The following CNTNAP5 variants were observed in gnomAD, a reference collection of about 807,000 sequenced individuals.
CNTNAP5 encodes contactin associated protein family member 5, also known as contactin-associated protein-like 5.
CNTNAP5 carries 72 observed loss-of-function variants against 150.2 expected under a neutral mutation model. That is an observed-to-expected ratio of 0.48 (90% CI 0.40 to 0.58). The LOEUF (loss-of-function observed/expected upper bound fraction) is 0.58. CNTNAP5 is among the 20% of genes least tolerant of loss of function. The pLI is 0.00. For missense variants in CNTNAP5, 1,636 were observed against 1,626.2 expected (o/e 1.01, Z -0.10); for synonymous variants, 672 against 619.8 (o/e 1.08, Z -1.25).
At chr2:124,194,397 AT>A (rs779635472) in intron 1 of CNTNAP5, among the ~76,000 whole-genome samples, 14,323 of 49,492 alleles carry the variant, frequency 0.29, 1,039 homozygotes, top group Middle Eastern at 0.34. Context: ...ATATATATAT[AT>A]ATATATATAT....
chr2:124,683,589 T>C (rs954030351), intron 13 of CNTNAP5, among the ~76,000 whole-genome samples: 1 of 152,188 alleles, frequency 6.6e-6, no homozygotes, highest in African/African-American at 2.4e-5. Context: ...CTTATGCCTT[T>C]GCATCCTTAT....
At chr2:124,031,190 A>G (rs1389517087) in intron 1 of CNTNAP5, among the ~76,000 whole-genome samples, 1 of 151,988 alleles carries the variant, frequency 6.6e-6, no homozygotes, top group African/African-American at 2.4e-5. Context: ...AGGCATATCA[A>G]GTGTCCCTAT....
At chr2:124,558,316 G>C (rs1553479448) in intron 10 of CNTNAP5, among the ~76,000 whole-genome samples, 1 of 151,944 alleles carries the variant, frequency 6.6e-6, no homozygotes, top group Non-Finnish European at 1.5e-5. Context: ...AGAAGGAGAG[G>C]ACCTTCAAGT....
chr2:124,290,366 A>G (rs1387845304), intron 3 of CNTNAP5, among the ~76,000 whole-genome samples: 1 of 152,182 alleles, frequency 6.6e-6, no homozygotes, highest in Non-Finnish European at 1.5e-5. Context: ...AGTGAAATCA[A>G]TTCATCCACA....
At chr2:124,184,401 G>A (rs931453563) in intron 1 of CNTNAP5, among the ~76,000 whole-genome samples, 2 of 152,132 alleles carry the variant, frequency 1.3e-5, no homozygotes, top group African/African-American at 4.8e-5. Context: ...ATAAAATATA[G>A]TTACATTTCA....
chr2:124,357,349 G>A (rs1690041720), intron 3 of CNTNAP5, among the ~76,000 whole-genome samples: 1 of 152,150 alleles, frequency 6.6e-6, no homozygotes, highest in African/African-American at 2.4e-5. Flanking sequence ...TGTTGCCATT[G>A]CTTTTGGTGT....
At chr2:124,079,898 C>T (rs553928381) in intron 1 of CNTNAP5, among the ~76,000 whole-genome samples, 1 of 152,310 alleles carries the variant, frequency 6.6e-6, no homozygotes, top group South Asian at 2.1e-4. Flanking sequence ...ATGTTTCAGT[C>T]TTCCTATCCA....
chr2:124,663,699 A>G (rs763456688), intron 13 of CNTNAP5, among the ~76,000 whole-genome samples: 11 of 152,148 alleles, frequency 7.2e-5, no homozygotes, highest in African/African-American at 1.2e-4. Flanking sequence ...GTAAATGAAG[A>G]GAGATTCTCA....
In CNTNAP5 at chr2:124,772,994, A is replaced by G; in HGVS notation, c.2729A>G (p.Gln910Arg). 2 of 1,613,178 alleles carry G rather than the reference A, an allele frequency of 1.2e-6. No homozygotes were observed. The highest frequency in any genetic ancestry group is 8.5e-7 in the Non-Finnish European group (1 of 1,179,662). ...ETSEEGHFRLQLNSQLFVGGT... is the reference protein window; with the variant it reads ...ETSEEGHFRLRLNSQLFVGGT... ...TCGGAGGAGGGCCATTTTCGACTGC[A>G]GCTGAACAGCCAGTTGTTTGTAGGT... Residue 910 changes from glutamine (Q) to arginine (R), a missense_variant, in exon 17 of 24, where the codon CAG becomes CGG. Coordinates refer to ENST00000682447, the MANE Select transcript of CNTNAP5 (RefSeq NM_001367498.1).
intron 13 of CNTNAP5, among the ~76,000 whole-genome samples, chr2:124,742,028 T>G (rs1440092203): frequency 2.0e-5 from 3 of 152,180 alleles, no homozygotes; most frequent in African/African-American, 7.2e-5. Context: ...GCAATCTAAA[T>G]TGGAGGTAAA....
At chr2:124,440,841 A>G (rs1185607410) in intron 5 of CNTNAP5, among the ~76,000 whole-genome samples, 1 of 152,070 alleles carries the variant, frequency 6.6e-6, no homozygotes, top group Non-Finnish European at 1.5e-5. Context: ...TGCCCATGAA[A>G]ATTTTTATCT....
intron 21 of CNTNAP5, among the ~76,000 whole-genome samples, chr2:124,892,085 G>A (rs1678206772): frequency 6.6e-6 from 1 of 152,108 alleles, no homozygotes; most frequent in Admixed American, 6.5e-5. Context: ...TGATCTAGAA[G>A]CAAGATACCA....
chr2:124,629,011 T>A (rs1210359270), intron 12 of CNTNAP5, among the ~76,000 whole-genome samples: 1 of 152,188 alleles, frequency 6.6e-6, no homozygotes, highest in Non-Finnish European at 1.5e-5. Context: ...CAAAAGGAGC[T>A]ATTTAAAATA....
At chr2:124,389,541 G>A (rs1691055887) in intron 3 of CNTNAP5, among the ~76,000 whole-genome samples, 1 of 152,164 alleles carries the variant, frequency 6.6e-6, no homozygotes, top group South Asian at 2.1e-4. Context: ...TAACAAATGA[G>A]TTAATTATTC....
At chr2:124,674,951 T>C (rs1257940739) in intron 13 of CNTNAP5, among the ~76,000 whole-genome samples, 1 of 152,058 alleles carries the variant, frequency 6.6e-6, no homozygotes, top group African/African-American at 2.4e-5. Flanking sequence ...TTATGCATTC[T>C]GTTGCTATTT....
intron 11 of CNTNAP5, among the ~76,000 whole-genome samples, chr2:124,574,777 A>G (rs1212842512): frequency 6.6e-6 from 1 of 152,242 alleles, no homozygotes; most frequent in Non-Finnish European, 1.5e-5. Context: ...AGGAATTTCC[A>G]GTGTGTTCAT....
At chr2:124,161,257 C>G (rs545114275) in intron 1 of CNTNAP5, among the ~76,000 whole-genome samples, 1 of 152,250 alleles carries the variant, frequency 6.6e-6, no homozygotes, top group East Asian at 1.9e-4. Flanking sequence ...ATTCAGCCAG[C>G]AAATGAGTGG....
At chr2:124,343,406 C>T (rs1198478833) in intron 3 of CNTNAP5, among the ~76,000 whole-genome samples, 2 of 152,034 alleles carry the variant, frequency 1.3e-5, no homozygotes, top group Non-Finnish European at 2.9e-5. Flanking sequence ...GGTTTAATAT[C>T]TTTTTAGGGG....
At chr2:124,278,574 T>C (rs1687942740) in intron 3 of CNTNAP5, among the ~76,000 whole-genome samples, 2 of 152,186 alleles carry the variant, frequency 1.3e-5, no homozygotes, top group African/African-American at 4.8e-5. Flanking sequence ...AAGCCTCATG[T>C]GGATGATGCA....
Sources: allele counts gnomAD v4.1 joint callset (sites outside exome capture counted in the v4.1 genomes callset), GRCh38; gene constraint gnomAD v4.1.1; transcripts MANE v1.5; gene names NCBI Gene and HGNC (gene_info 2026-07-23, HGNC 2026-07-21).